FAM186B: variants seen among roughly 807,000 people sequenced by gnomAD.
FAM186B encodes protein FAM186B.
A neutral mutation model predicts 83.4 loss-of-function variants in FAM186B; 68 were observed. The ratio of observed to expected loss-of-function variants is 0.81; its 90% CI spans 0.67 to 1.00. The LOEUF (loss-of-function observed/expected upper bound fraction) is 1.00. Among genes scored for constraint, FAM186B ranks in the 50% least tolerant of loss-of-function variants. The probability of loss-of-function intolerance (pLI) is 0.00; values close to 1 mark genes in which losing one functional copy is unlikely to be tolerated. For missense variants in FAM186B, 983 were observed against 1,099.2 expected (o/e 0.89, Z 1.49); for synonymous variants, 389 against 422.0 (o/e 0.92, Z 0.96).
At chr12:49,618,884 G>C in the FAM186B span, among the ~76,000 whole-genome samples, 2 of 152,228 alleles carry the variant, frequency 1.3e-5, no homozygotes, top group Non-Finnish European at 2.9e-5. Context: ...TTCCCCAAAA[G>C]TGAGGGGCAC....
chr12:49,601,619 A>G (rs1939896398), intron 3 of FAM186B, among the ~76,000 whole-genome samples: 4 of 139,956 alleles, frequency 2.9e-5, no homozygotes, highest in African/African-American at 9.3e-5. Context: ...CACATGTTTT[A>G]TGTTTTTTTT....
At chr12:49,589,627 C>T (rs942038850) in intron 5 of FAM186B, among the ~76,000 whole-genome samples, 2 of 151,082 alleles carry the variant, frequency 1.3e-5, no homozygotes, top group South Asian at 4.2e-4. Flanking sequence ...AATCTAGAAA[C>T]GGGCAAAACA....
intron 5 of FAM186B, chr12:49,595,186 G>T: frequency 1.9e-6 from 1 of 536,108 alleles, no homozygotes; most frequent in South Asian, 1.8e-5. Context: ...CGGTCATCCT[G>T]TAGATGTCAT....
chr12:49,589,679 T>C (rs975528734), intron 5 of FAM186B, among the ~76,000 whole-genome samples: 12 of 151,862 alleles, frequency 7.9e-5, no homozygotes, highest in African/African-American at 2.4e-4. Context: ...TCTATATCTA[T>C]ATATCTATAA....
chr12:49,584,405 G>C (rs1939397012), downstream of FAM186B: 2 of 681,004 alleles, frequency 2.9e-6, no homozygotes, highest in Non-Finnish European at 2.7e-6. Context: ...AGCACCAGCT[G>C]GGAACCTGCA....
chr12:49,616,092 C>T, the FAM186B span, among the ~76,000 whole-genome samples: 1 of 151,230 alleles, frequency 6.6e-6, no homozygotes. Flanking sequence ...TGCAGTGGTG[C>T]AATCTCGGCT....
At chr12:49,604,605 C>G (rs1161135460) in intron 1 of FAM186B, 67 bp from the exon 2 acceptor site, 1 of 1,387,348 alleles carries the variant, frequency 7.2e-7, no homozygotes, top group African/African-American at 1.4e-5. Flanking sequence ...ATGCTAGCAG[C>G]GTGACCTTGG....
At chr12:49,605,230 T>C (rs555012561) in intron 1 of FAM186B, 152 bp downstream of exon 1, 5 of 1,475,242 alleles carry the variant, frequency 3.4e-6, no homozygotes, top group African/African-American at 1.4e-5. Context: ...AGGAGAGAGA[T>C]AATTTATACT....
chr12:49,588,305 C>T, intron 6 of FAM186B, 149 bp downstream of exon 6: 1 of 957,848 alleles, frequency 1.0e-6, no homozygotes. Flanking sequence ...CTGGGGAGGG[C>T]AGCTGAGAAG....
the FAM186B span, among the ~76,000 whole-genome samples, chr12:49,620,324 C>CT: frequency 2.0e-5 from 3 of 152,252 alleles, no homozygotes; most frequent in East Asian, 3.9e-4. Context: ...GTTAATTTAA[C>CT]TTTTTTCTGC....
chr12:49,604,191 T>C, intron 2 of FAM186B, 122 bp downstream of exon 2: 1 of 725,244 alleles, frequency 1.4e-6, no homozygotes, highest in East Asian at 2.6e-5. Flanking sequence ...ATGGAGGTGA[T>C]GTGCTGTGAC....
chr12:49,601,429 A>G (rs567478181), intron 3 of FAM186B, among the ~76,000 whole-genome samples: 2 of 152,272 alleles, frequency 1.3e-5, no homozygotes, highest in South Asian at 4.1e-4. Flanking sequence ...CTGGTCTTCC[A>G]TGTTCTCCTG....
downstream of FAM186B, chr12:49,587,482 T>C: frequency 7.3e-7 from 1 of 1,374,146 alleles, no homozygotes; most frequent in Non-Finnish European, 1.0e-6. Context: ...CTATCTGGTG[T>C]GGGATAGCAA....
At chr12:49,599,433 C>T in intron 4 of FAM186B, 36 bp downstream of exon 4, 1 of 1,508,650 alleles carries the variant, frequency 6.6e-7, no homozygotes, top group Non-Finnish European at 8.8e-7. Flanking sequence ...CATATTGCAG[C>T]AGGTGGGTGC....
intron 5 of FAM186B, among the ~76,000 whole-genome samples, chr12:49,593,477 T>G (rs1263463760): frequency 6.6e-6 from 1 of 151,790 alleles, no homozygotes; most frequent in East Asian, 1.9e-4. Context: ...CTACTAAAAA[T>G]ACAAAAATTA....
intron 5 of FAM186B, among the ~76,000 whole-genome samples, chr12:49,598,049 G>C (rs533857424): frequency 6.6e-6 from 1 of 152,330 alleles, no homozygotes; most frequent in South Asian, 2.1e-4. Context: ...AAAAGAGCGA[G>C]ACTCTGTCTC....
chr12:49,584,732 C>A, downstream of FAM186B: 1 of 661,054 alleles, frequency 1.5e-6, no homozygotes, highest in Non-Finnish European at 2.8e-6. Context: ...AGCCCAGACT[C>A]AGCCTGGACA....
At chr12:49,593,094 T>C (rs1939619808) in intron 5 of FAM186B, 1 of 152,154 alleles carries the variant, frequency 6.6e-6, no homozygotes, top group Admixed American at 6.5e-5. Context: ...AATTTAAATA[T>C]AGAGACACAG....
chr12:49,620,915 C>T, the FAM186B span, among the ~76,000 whole-genome samples: 1 of 152,158 alleles, frequency 6.6e-6, no homozygotes, highest in Non-Finnish European at 1.5e-5. Context: ...ACATTATACA[C>T]ATGCTTTTCT....
Sources: allele counts gnomAD v4.1 joint callset (sites outside exome capture counted in the v4.1 genomes callset), GRCh38; gene constraint gnomAD v4.1.1; transcripts MANE v1.5; gene names NCBI Gene and HGNC (gene_info 2026-07-23, HGNC 2026-07-21).